ERICH1: variants seen among roughly 807,000 people sequenced by gnomAD.
ERICH1 encodes glutamate rich 1.
ERICH1 carries 56 observed loss-of-function variants against 39.6 expected under a neutral mutation model. The ratio of observed to expected loss-of-function variants is 1.41; its 90% CI spans 1.14 to 1.77. The LOEUF (loss-of-function observed/expected upper bound fraction) is 1.77. Among genes scored for constraint, ERICH1 ranks in the 40% most tolerant of loss-of-function variants. ERICH1 has a pLI of 0.00. For synonymous variants in ERICH1, 313 were observed against 223.6 expected, an observed-to-expected ratio of 1.40 and a Z score of -3.57; for missense variants, 826 against 575.4, an observed-to-expected ratio of 1.44 and a Z score of -4.45.
intron 3 of ERICH1, chr8:616,569 G>T: frequency 2.2e-6 from 1 of 455,988 alleles, no homozygotes; most frequent in Non-Finnish European, 4.4e-6. Context: ...CTGAAAAACA[G>T]ATCAAGTCAG....
chr8:672,377 G>A (rs80077351), intron 4 of ERICH1, among the ~76,000 whole-genome samples: 47 of 152,312 alleles, frequency 3.1e-4, no homozygotes, highest in African/African-American at 1.1e-3. Flanking sequence ...AGTGCTCTTC[G>A]TGTTGAAATC....
Position 673,159 on chromosome 8 carries a change from G to A in ERICH1, c.1063+130C>T. 6 of 1,120,198 alleles carry A rather than the reference G, an allele frequency of 5.4e-6. No homozygotes were observed. The South Asian group carries it at 8.4e-5, about 16-fold the overall frequency. 69.4% of individuals were successfully genotyped at this position (1,120,198 alleles called of 1,614,324 possible). A position where few individuals can be genotyped will look rare whatever the true frequency, so the allele number is the denominator to read the frequency against. ...TGAATATTTTTTACTTATATTAGTT[G>A]CCTTACAACTAATTATTTTACATTG... On this transcript the variant is annotated intron_variant, in intron 4 of 5. Coordinates refer to ENST00000262109, the MANE Select transcript of ERICH1 (RefSeq NM_207332.3).
chr8:668,855 A>C, intron 4 of ERICH1, 63 bp from the exon 5 acceptor site: 1 of 1,460,940 alleles, frequency 6.8e-7, no homozygotes, highest in Non-Finnish European at 9.2e-7. Context: ...ACTAAAGATA[A>C]GCTTTCCTCT....
chr8:642,244 C>T (rs1414926845), intron 3 of ERICH1, among the ~76,000 whole-genome samples: 1 of 152,006 alleles, frequency 6.6e-6, no homozygotes, highest in African/African-American at 2.4e-5. Context: ...GTCGGGAATG[C>T]ACACTGCTAA....
intron 3 of ERICH1, among the ~76,000 whole-genome samples, chr8:683,978 C>A (rs1806741432): frequency 6.6e-6 from 1 of 152,204 alleles, no homozygotes; most frequent in African/African-American, 2.4e-5. Context: ...TTGAATTATA[C>A]ATACTCAAGA....
chr8:712,819 GA>G (rs1815065872), intron 2 of ERICH1, among the ~76,000 whole-genome samples: 1 of 152,196 alleles, frequency 6.6e-6, no homozygotes. Context: ...ATTAGTTCCA[GA>G]AGTCTTTTTT....
intron 3 of ERICH1, among the ~76,000 whole-genome samples, chr8:623,749 A>G (rs1797426498): frequency 6.6e-6 from 1 of 152,208 alleles, no homozygotes; most frequent in African/African-American, 2.4e-5. Flanking sequence ...ACAAAGACTA[A>G]CTCAAAATGG....
At chr8:630,575 CCACA>C (rs202092187) in intron 3 of ERICH1, among the ~76,000 whole-genome samples, 1 of 105,632 alleles carries the variant, frequency 9.5e-6, no homozygotes, top group Non-Finnish European at 1.9e-5. Flanking sequence ...CTGTGACCAC[CCACA>C]CAGACAGAGC....
chr8:657,527 C>G (rs551178124), intron 3 of ERICH1, among the ~76,000 whole-genome samples: 1 of 151,002 alleles, frequency 6.6e-6, no homozygotes, highest in African/African-American at 2.4e-5. Flanking sequence ...CGATGCTTGT[C>G]TAAGATGATG....
chr8:688,192 G>A (rs528441828), intron 3 of ERICH1, among the ~76,000 whole-genome samples: 56 of 149,750 alleles, frequency 3.7e-4, no homozygotes, highest in African/African-American at 1.3e-3. Flanking sequence ...CGCAGGACAC[G>A]GCAAGGCCCC....
chr8:618,746 T>C (rs1797094442), intron 3 of ERICH1, among the ~76,000 whole-genome samples: 1 of 152,140 alleles, frequency 6.6e-6, no homozygotes, highest in South Asian at 2.1e-4. Context: ...TTAAACCTGG[T>C]GTCGTGGACT....
downstream of ERICH1, among the ~76,000 whole-genome samples, chr8:661,233 C>T (rs955655377): frequency 8.5e-5 from 13 of 152,102 alleles, no homozygotes; most frequent in Non-Finnish European, 4.4e-5. Flanking sequence ...ACCTGGAGAG[C>T]GCTCGGGGCA....
At chr8:710,886 G>C (rs997691177) in intron 2 of ERICH1, among the ~76,000 whole-genome samples, 5 of 152,200 alleles carry the variant, frequency 3.3e-5, no homozygotes, top group African/African-American at 1.2e-4. Flanking sequence ...TAAATGTCAA[G>C]GGGCATAACT....
intron 3 of ERICH1, among the ~76,000 whole-genome samples, chr8:652,451 C>A (rs183399898): frequency 6.6e-6 from 1 of 152,096 alleles, no homozygotes; most frequent in Non-Finnish European, 1.5e-5. Flanking sequence ...TAGATAGGAA[C>A]GGAGTGGAGT....
intron 3 of ERICH1, among the ~76,000 whole-genome samples, chr8:692,269 CT>C (rs1356910455): frequency 6.6e-6 from 1 of 152,138 alleles, no homozygotes; most frequent in South Asian, 2.1e-4. Context: ...CATATGAAGT[CT>C]TTTTTCCTGT....
At chr8:651,659 C>T (rs55793055) in intron 3 of ERICH1, among the ~76,000 whole-genome samples, 45,372 of 143,528 alleles carry the variant, frequency 0.32, 8,799 homozygotes, top group Non-Finnish European at 0.44. Context: ...AGGCAGAGAG[C>T]GAGGGAGACG....
intron 4 of ERICH1, among the ~76,000 whole-genome samples, chr8:669,658 G>C (rs28622881): frequency 0.12 from 15,311 of 128,378 alleles, 1,822 homozygotes; most frequent in Middle Eastern, 0.28. Context: ...CACGACTCAG[G>C]GCTACGAACA....
chr8:730,903 G>A (rs142248547), intron 1 of ERICH1, among the ~76,000 whole-genome samples: 2,468 of 152,292 alleles, frequency 0.016, 28 homozygotes, highest in Middle Eastern at 0.037. Flanking sequence ...CACCAGGTGG[G>A]GCCTGGCAGG....
At chr8:687,326 T>A (rs1238044407) in intron 3 of ERICH1, among the ~76,000 whole-genome samples, 1 of 152,222 alleles carries the variant, frequency 6.6e-6, no homozygotes, top group Admixed American at 6.5e-5. Context: ...TTATACATAA[T>A]CATTCAACGC....
Sources: allele counts gnomAD v4.1 joint callset (sites outside exome capture counted in the v4.1 genomes callset), GRCh38; gene constraint gnomAD v4.1.1; transcripts MANE v1.5; gene names NCBI Gene and HGNC (gene_info 2026-07-23, HGNC 2026-07-21).